HMGCLL1: variants seen among roughly 807,000 people sequenced by gnomAD.
HMGCLL1 encodes the protein 3-hydroxy-3-methylglutaryl-CoA lyase like 1, also known as 3-hydroxymethyl-3-methylglutaryl-CoA lyase, cytoplasmic.
A neutral mutation model predicts 39.1 loss-of-function variants in HMGCLL1; 36 were observed. The ratio of observed to expected loss-of-function variants is 0.92; its 90% CI spans 0.71 to 1.22. The LOEUF (loss-of-function observed/expected upper bound fraction) is 1.22, where lower values mean the gene tolerates loss of function less well. HMGCLL1 is among the 50% of genes most tolerant of loss of function. The probability of loss-of-function intolerance (pLI) is 0.00; values close to 1 mark genes in which losing one functional copy is unlikely to be tolerated. For missense variants in HMGCLL1, 451 were observed against 416.5 expected (o/e 1.08, Z -0.72); for synonymous variants, 149 against 144.0 (o/e 1.03, Z -0.25).
At chr6:55,586,629 G>A in the HMGCLL1 span, among the ~76,000 whole-genome samples, 107 of 150,730 alleles carry the variant, frequency 7.1e-4, no homozygotes, top group African/African-American at 2.5e-3. Context: ...CCACCTATGA[G>A]TGAGAACATA....
chr6:55,499,212 A>G, intron 6 of HMGCLL1, 24 bp downstream of exon 6: 5 of 1,585,162 alleles, frequency 3.2e-6, no homozygotes, highest in Admixed American at 1.8e-5. Context: ...ACCATAAACC[A>G]AAAAAGCTGA....
intron 1 of HMGCLL1, among the ~76,000 whole-genome samples, chr6:55,565,816 G>C (rs891348424): frequency 6.6e-6 from 1 of 152,050 alleles, no homozygotes; most frequent in African/African-American, 2.4e-5. Context: ...ACATTCATGA[G>C]TGAAACCCTG....
chr6:55,499,015 T>C (rs1235866510), intron 6 of HMGCLL1, among the ~76,000 whole-genome samples: 2 of 152,140 alleles, frequency 1.3e-5, no homozygotes, highest in East Asian at 3.9e-4. Flanking sequence ...ACCCAAATTA[T>C]AGGACTCAAC....
intron 5 of HMGCLL1, among the ~76,000 whole-genome samples, chr6:55,501,967 T>A (rs971012536): frequency 2.6e-5 from 4 of 151,874 alleles, no homozygotes; most frequent in African/African-American, 9.7e-5. Context: ...CCGTTCCAAA[T>A]GATTTCTACT....
chr6:55,635,629 C>T, the HMGCLL1 span, among the ~76,000 whole-genome samples: 4 of 152,068 alleles, frequency 2.6e-5, no homozygotes, highest in Admixed American at 6.6e-5. Context: ...TTTGCTTTCG[C>T]TTAAGTTTGT....
chr6:55,527,760 C>T (rs939617670), intron 3 of HMGCLL1, among the ~76,000 whole-genome samples: 1 of 151,936 alleles, frequency 6.6e-6, no homozygotes, highest in African/African-American at 2.4e-5. Flanking sequence ...AAAAGTTTCA[C>T]TGATAAAAAC....
intron 7 of HMGCLL1, among the ~76,000 whole-genome samples, chr6:55,476,577 A>G (rs1294507613): frequency 6.6e-6 from 1 of 151,676 alleles, no homozygotes; most frequent in African/African-American, 2.4e-5. Context: ...TGCACTGGCT[A>G]GAAACTCCTA....
chr6:55,623,161 T>C, the HMGCLL1 span, among the ~76,000 whole-genome samples: 1 of 152,032 alleles, frequency 6.6e-6, no homozygotes, highest in Admixed American at 6.6e-5. Flanking sequence ...CTGGCTCAAC[T>C]AAAATTTGTC....
intron 7 of HMGCLL1, among the ~76,000 whole-genome samples, chr6:55,475,190 T>C (rs1179177655): frequency 6.6e-6 from 1 of 151,620 alleles, no homozygotes; most frequent in Non-Finnish European, 1.5e-5. Flanking sequence ...AGTAATTTCT[T>C]TGTATTGAGA....
At chr6:55,446,368 A>C (rs917150168) in intron 7 of HMGCLL1, among the ~76,000 whole-genome samples, 2 of 150,852 alleles carry the variant, frequency 1.3e-5, no homozygotes, top group African/African-American at 4.9e-5. Flanking sequence ...AACTCTAAGG[A>C]CTGAGATGTC....
At chr6:55,570,599 A>C (rs78343059) in intron 1 of HMGCLL1, among the ~76,000 whole-genome samples, 1,742 of 152,230 alleles carry the variant, frequency 0.011, 44 homozygotes, top group African/African-American at 0.038. Context: ...CATTCCCTTC[A>C]TCCCAAATCC....
At chr6:55,597,968 GACTGGT>G in the HMGCLL1 span, among the ~76,000 whole-genome samples, 1 of 152,092 alleles carries the variant, frequency 6.6e-6, no homozygotes. Context: ...AGAAGGATTA[GACTGGT>G]CTGCGTGGCT....
the HMGCLL1 span, among the ~76,000 whole-genome samples, chr6:55,634,270 G>A: frequency 1.3e-5 from 2 of 151,978 alleles, no homozygotes; most frequent in South Asian, 2.1e-4. Flanking sequence ...TGTGTGGAGG[G>A]GCATGGGGAG....
At chr6:55,481,609 T>A (rs1216450461) in intron 7 of HMGCLL1, among the ~76,000 whole-genome samples, 4 of 152,084 alleles carry the variant, frequency 2.6e-5, no homozygotes, top group Non-Finnish European at 5.9e-5. Context: ...GTAGGCTCAG[T>A]CTGTGTAAGC....
the HMGCLL1 span, among the ~76,000 whole-genome samples, chr6:55,642,014 C>T: frequency 2.9e-5 from 4 of 138,866 alleles, no homozygotes; most frequent in South Asian, 4.7e-4. Flanking sequence ...CCCACTAACT[C>T]GTCATCTAGC....
the HMGCLL1 span, among the ~76,000 whole-genome samples, chr6:55,594,490 T>A: frequency 6.6e-6 from 1 of 152,226 alleles, no homozygotes; most frequent in Non-Finnish European, 1.5e-5. Flanking sequence ...TCTTCTTGAG[T>A]GTGTGAAACA....
chr6:55,475,157 T>C (rs1481023690), intron 7 of HMGCLL1, among the ~76,000 whole-genome samples: 1 of 151,556 alleles, frequency 6.6e-6, no homozygotes, highest in Non-Finnish European at 1.5e-5. Context: ...TGAATACCCT[T>C]TCCCCAGCTG....
intron 3 of HMGCLL1, among the ~76,000 whole-genome samples, chr6:55,524,992 T>C: frequency 6.6e-6 from 1 of 151,484 alleles, no homozygotes; most frequent in East Asian, 1.9e-4. Flanking sequence ...TAGTAATTAA[T>C]ATTATCTGTT....
chr6:55,587,181 A>C, the HMGCLL1 span, among the ~76,000 whole-genome samples: 3 of 152,140 alleles, frequency 2.0e-5, no homozygotes, highest in African/African-American at 7.2e-5. Flanking sequence ...TTTTGGCTGC[A>C]TAAATGTCTT....
Sources: gnomAD v4.1 joint callset for allele counts (sites outside exome capture counted in the v4.1 genomes callset) on GRCh38, gnomAD v4.1.1 for gene constraint, MANE v1.5 for transcripts, NCBI Gene and HGNC (gene_info 2026-07-23, HGNC 2026-07-21) for gene names.